Variants in DNAH3 observed in about 807,000 individuals in gnomAD.
DNAH3 encodes the protein axonemal beta dynein heavy chain 3.
A neutral mutation model predicts 432.5 loss-of-function variants in DNAH3; 332 were observed. That is an observed-to-expected ratio of 0.77 (90% confidence interval 0.70 to 0.84). The LOEUF (loss-of-function observed/expected upper bound fraction) is 0.84, where lower values mean the gene tolerates loss of function less well. DNAH3 is among the 40% of genes least tolerant of loss of function. The probability of loss-of-function intolerance (pLI) is 0.00; values close to 1 mark genes in which losing one functional copy is unlikely to be tolerated. For synonymous variants in DNAH3, 1,956 were observed against 1,900.2 expected (o/e 1.03, Z -0.76); for missense variants, 4,861 against 5,114.0 (o/e 0.95, Z 1.51).
At chr16:21,008,546 A>G (rs1048316500) in intron 41 of DNAH3, among the ~76,000 whole-genome samples, 4 of 152,124 alleles carry the variant, frequency 2.6e-5, no homozygotes, top group African/African-American at 9.7e-5. Flanking sequence ...CCCACGCAGC[A>G]TAGGGTTCTG....
At chr16:21,145,323 G>T (rs766165221) in exon 3 of DNAH3, 1 of 1,614,188 alleles carries the variant, frequency 6.2e-7, no homozygotes, top group South Asian at 1.1e-5. Context: ...GTCCACGGTG[G>T]TGATGCTGTT....
At chr16:21,144,895 A>G (rs1567870296) in intron 3 of DNAH3, among the ~76,000 whole-genome samples, 1 of 152,014 alleles carries the variant, frequency 6.6e-6, no homozygotes, top group African/African-American at 2.4e-5. Context: ...AGGCAGGTGG[A>G]TCACCTGAGG....
rs1190060999 is a variant in DNAH3, at chr16:20,954,291, C to CT, written c.11071+521dup. 2.9e-3 allele frequency among the ~76,000 whole-genome samples: 373 copies of CT among 127,812 alleles called. 2 individuals are homozygous for CT. The highest frequency in any genetic ancestry group is 5.1e-3 in the East Asian group (21 of 4,134). The allele number at this position is 127,812 out of a possible 152,430, so 83.8% of individuals were successfully genotyped here. ...GCTTATGTATTAATCTACCTATAGA[C>CT]TTTTTTTTTTTTTTTTTGAGACAGG... On this transcript the variant is annotated intron_variant, in intron 55 of 61. Coordinates refer to ENST00000261383, the Ensembl canonical transcript of DNAH3.
chr16:21,081,540 AAAAC>A (rs1423966465), intron 20 of DNAH3, 92 bp downstream of exon 20: 23 of 1,016,804 alleles, frequency 2.3e-5, no homozygotes, highest in Non-Finnish European at 3.1e-5. Context: ...CAAGGAAAAA[AAAAC>A]AAACAGCCCG....
At chr16:21,142,508 C>G (rs12922137) in intron 3 of DNAH3, among the ~76,000 whole-genome samples, 22,827 of 151,972 alleles carry the variant, frequency 0.15, 2,167 homozygotes, top group East Asian at 0.28. Context: ...AAACCAATAT[C>G]ATTTGCAATA....
intron 14 of DNAH3, among the ~76,000 whole-genome samples, chr16:21,108,698 A>G (rs2092001730): frequency 6.6e-6 from 1 of 152,168 alleles, no homozygotes; most frequent in African/African-American, 2.4e-5. Context: ...AGCTTTGATC[A>G]TGCCACTGCA....
chr16:21,158,686 C>T (rs771850697), intron 1 of DNAH3: 30 of 152,962 alleles, frequency 2.0e-4, no homozygotes, highest in Non-Finnish European at 3.4e-4. Context: ...CTTGTTCCTC[C>T]TCCTGCCTCT....
chr16:21,020,476 C>T (rs61556600), intron 40 of DNAH3, among the ~76,000 whole-genome samples: 31,356 of 132,776 alleles, frequency 0.24, 3,874 homozygotes, highest in Admixed American at 0.29. Context: ...AATCTCGGCT[C>T]ACTGCAACCT....
rs771694224 is a variant in DNAH3, at chr16:20,979,414, G to A, written c.7992C>T (p.Leu2664=). The change falls in exon 50 of 62, where the codon CTC becomes CTT. Residue 2664 remains leucine, a synonymous_variant. Coordinates refer to ENST00000261383, the Ensembl canonical transcript of DNAH3. ...CCACCTCTTGCCTCTTGCTATTCAGGAGCGTCTTGAAGGTTAGAATCAATT... is the reference window on the plus strand; with the variant it reads ...CCACCTCTTGCCTCTTGCTATTCAGAAGCGTCTTGAAGGTTAGAATCAATT... The A allele has an allele frequency of 1.1e-5, 18 of 1,614,050 alleles. No homozygotes were observed. In the South Asian group the frequency reaches 1.5e-4, roughly 14 times the overall value.
intron 28 of DNAH3, among the ~76,000 whole-genome samples, chr16:21,052,871 G>A (rs914236687): frequency 6.6e-6 from 1 of 152,158 alleles, no homozygotes; most frequent in Non-Finnish European, 1.5e-5. Flanking sequence ...GCAGGGGAAG[G>A]AAGCCCGAGA....
At chr16:20,992,055 G>C (rs979051788) in intron 44 of DNAH3, among the ~76,000 whole-genome samples, 1 of 152,146 alleles carries the variant, frequency 6.6e-6, no homozygotes, top group Non-Finnish European at 1.5e-5. Context: ...GAGAATGCCT[G>C]ATTCTTTCCC....
chr16:21,111,005 G>T (rs1567808271), intron 14 of DNAH3, among the ~76,000 whole-genome samples: 1 of 152,104 alleles, frequency 6.6e-6, no homozygotes, highest in Non-Finnish European at 1.5e-5. Flanking sequence ...AACATAGCAA[G>T]ACCCTGTCTC....
At chr16:21,146,596 T>G (rs2092786896) in intron 1 of DNAH3, among the ~76,000 whole-genome samples, 1 of 152,188 alleles carries the variant, frequency 6.6e-6, no homozygotes, top group African/African-American at 2.4e-5. Context: ...GGTTATTATC[T>G]TTGCAGTGAG....
intron 28 of DNAH3, among the ~76,000 whole-genome samples, chr16:21,052,864 G>A (rs2090005425): frequency 6.6e-6 from 1 of 152,150 alleles, no homozygotes; most frequent in Non-Finnish European, 1.5e-5. Context: ...TTATATAGCA[G>A]GGGAAGGAAG....
At chr16:20,990,510 TA>T (rs1435974632) in intron 44 of DNAH3, among the ~76,000 whole-genome samples, 1 of 152,208 alleles carries the variant, frequency 6.6e-6, no homozygotes, top group Non-Finnish European at 1.5e-5. Context: ...TTAATCGTGC[TA>T]AAAAGAAACC....
chr16:21,015,844 T>A (rs1387230465), intron 41 of DNAH3, among the ~76,000 whole-genome samples: 1 of 152,158 alleles, frequency 6.6e-6, no homozygotes, highest in Non-Finnish European at 1.5e-5. Flanking sequence ...CAGGTTGGAT[T>A]GCAGTGGTGT....
chr16:20,963,631 T>A (rs747600139), exon 53 of DNAH3: 1 of 1,614,060 alleles, frequency 6.2e-7, no homozygotes, highest in Non-Finnish European at 8.5e-7. Context: ...TGCCCATGCC[T>A]TCTCAGACAG....
exon 52 of DNAH3, chr16:20,969,933 C>T (rs776043011): frequency 6.2e-7 from 1 of 1,614,182 alleles, no homozygotes; most frequent in Non-Finnish European, 8.5e-7. Context: ...GTGTCCAGAG[C>T]AGCTAGTGCA....
At chr16:20,988,137 G>A in intron 44 of DNAH3, 72 bp from the exon 45 acceptor site, 8 of 1,586,668 alleles carry the variant, frequency 5.0e-6, no homozygotes, top group South Asian at 2.3e-5. Context: ...ACCCTAGGAT[G>A]CACACGAGGT....
Sources: allele counts gnomAD v4.1 joint callset (sites outside exome capture counted in the v4.1 genomes callset), GRCh38; gene constraint gnomAD v4.1.1; transcripts MANE v1.5; gene names NCBI Gene and HGNC (gene_info 2026-07-23, HGNC 2026-07-21).